Variants in MSH3 observed in about 807,000 individuals in gnomAD.
MSH3 encodes mutS homolog 3.
In MSH3, 106 loss-of-function variants were observed where a neutral mutation model predicts 123.3. That is an observed-to-expected ratio of 0.86 (90% CI 0.73 to 1.01). The LOEUF (loss-of-function observed/expected upper bound fraction) is 1.01, where lower values mean the gene tolerates loss of function less well. MSH3 is among the 50% of genes least tolerant of loss of function. The pLI is 0.00. For missense variants in MSH3, 1,459 were observed against 1,347.6 expected (o/e 1.08, Z -1.29); for synonymous variants, 515 against 481.4 (o/e 1.07, Z -0.91).
intron 19 of MSH3, among the ~76,000 whole-genome samples, chr5:80,803,126 G>C (rs1744821963): frequency 6.6e-6 from 1 of 152,032 alleles, no homozygotes; most frequent in South Asian, 2.1e-4. Flanking sequence ...TCATGTGTTA[G>C]TTCTATTTTT....
chr5:80,699,652 T>A (rs1750565043), intron 8 of MSH3, among the ~76,000 whole-genome samples: 1 of 152,104 alleles, frequency 6.6e-6, no homozygotes, highest in African/African-American at 2.4e-5. Context: ...ATTATATAGA[T>A]TTACATTATA....
chr5:80,656,274 A>G (rs1055707324), intron 1 of MSH3, 137 bp from the exon 2 acceptor site: 6 of 1,152,636 alleles, frequency 5.2e-6, no homozygotes, highest in Admixed American at 1.8e-5. Context: ...GGTTTTCCAG[A>G]GCTAAAAGTA....
At position 80,813,452 on chromosome 5, in the gene MSH3, A is replaced by G. The variant is rs139141467; in HGVS notation, c.2656-132A>G. Reference sequence around the variant, plus strand: ...ACACAGTTCAGGTTGAAGACAGAGGACCGCTTTCCTTTTGTGATATTTATG... The same window carrying G: ...ACACAGTTCAGGTTGAAGACAGAGGGCCGCTTTCCTTTTGTGATATTTATG... On this transcript the variant is annotated intron_variant, in intron 19 of 23. Transcript: ENST00000265081. 1.5e-4 allele frequency: 129 copies of G among 882,998 alleles called. No individual in the cohort carries two copies. In the African/African-American group the frequency reaches 1.8e-3, roughly 13 times the overall value. The allele number at this position is 882,998 out of a possible 1,614,324, so 54.7% of individuals were successfully genotyped here.
intron 8 of MSH3, among the ~76,000 whole-genome samples, chr5:80,702,455 G>A (rs982158599): frequency 2.6e-5 from 4 of 152,166 alleles, no homozygotes; most frequent in Non-Finnish European, 5.9e-5. Context: ...TACCTGGTGG[G>A]AGCCACTGGG....
chr5:80,876,583 C>A lies in MSH3; in HGVS notation c.*721C>A. 6.6e-6 allele frequency: 1 copy of A among 150,812 alleles called. No individual in the cohort carries two copies. The highest frequency in any genetic ancestry group is 1.5e-5 in the Non-Finnish European group (1 of 67,982). The allele number at this position is 150,812 out of a possible 1,614,324, so 9.3% of individuals were successfully genotyped here. ...GGCGGAGGTTGCAATGAGCCGAGAT[C>A]ACGTCACTGCACTCCAGCTTGGGCA... is the stretch of plus-strand genomic sequence containing the variant. On this transcript the variant is annotated 3_prime_UTR_variant, in exon 24 of 24. Coordinates refer to ENST00000265081, the MANE Select transcript of MSH3 (RefSeq NM_002439.5).
chr5:80,803,049 C>G (rs1383255257), intron 19 of MSH3, among the ~76,000 whole-genome samples: 1 of 148,932 alleles, frequency 6.7e-6, no homozygotes, highest in Non-Finnish European at 1.5e-5. Flanking sequence ...GTGCAGCTGT[C>G]TCTTCAATAT....
rs945430450 is a variant in MSH3, at chr5:80,768,009, C to G, written c.1973C>G (p.Ala658Gly). 1 of 1,613,538 alleles carries G rather than the reference C, an allele frequency of 6.2e-7. No homozygotes were observed. Among genetic ancestry groups the G allele is most frequent in the Non-Finnish European group, 8.5e-7 (1 of 1,179,570 alleles). Reference protein sequence around the residue: ...LKSEFQAIIPAVNSHIQSDLL... With the variant: ...LKSEFQAIIPGVNSHIQSDLL... ...TCAGAATTTCAAGCAATAATACCTG[C>G]TGTTAATTCCCACATTCAGTCAGAC... is the stretch of plus-strand genomic sequence containing the variant. The change falls in exon 14 of 24, where the codon GCT becomes GGT. Residue 658 changes from alanine (A) to glycine (G), a missense_variant. Transcript: ENST00000265081.
intron 11 of MSH3, among the ~76,000 whole-genome samples, chr5:80,742,532 G>A (rs1743635765): frequency 6.6e-6 from 1 of 152,190 alleles, no homozygotes; most frequent in African/African-American, 2.4e-5. Flanking sequence ...AGTCAAAGGA[G>A]TTAAAACTCT....
chr5:80,697,316 A>C (rs946715811), intron 8 of MSH3, among the ~76,000 whole-genome samples: 1 of 152,260 alleles, frequency 6.6e-6, no homozygotes, highest in African/African-American at 2.4e-5. Flanking sequence ...AGGTGTTGGC[A>C]GCTGGAGCCA....
At chr5:80,799,532 T>TA (rs1744756178) in intron 19 of MSH3, among the ~76,000 whole-genome samples, 3 of 112,214 alleles carry the variant, frequency 2.7e-5, no homozygotes, top group East Asian at 3.6e-4. Context: ...TTTTTTTTTT[T>TA]ACAGAAAATT....
chr5:80,679,067 G>T lies in MSH3; in HGVS notation c.1314G>T (p.Ala438=), dbSNP rs574337805. 2 of 1,613,866 alleles carry T rather than the reference G, an allele frequency of 1.2e-6. No individual in the cohort carries two copies. Among genetic ancestry groups the T allele is most frequent in the South Asian group, 1.1e-5 (1 of 91,084 alleles). The change falls in exon 8 of 24, where the codon GCG becomes GCT. Residue 438 remains alanine (A), a synonymous_variant. Coordinates refer to ENST00000265081, the MANE Select transcript of MSH3 (RefSeq NM_002439.5). Reference sequence around the variant, plus strand: ...CGGCCTTGTCCGAGCAAACAGAGGCGCTCATCCACAGAGCCACATCTGTTA... The same window carrying T: ...CGGCCTTGTCCGAGCAAACAGAGGCTCTCATCCACAGAGCCACATCTGTTA... ...LPSALSEQTE[A]LIHRATSVSV...
chr5:80,849,390 G>T (rs935812257), intron 20 of MSH3, among the ~76,000 whole-genome samples: 1 of 152,224 alleles, frequency 6.6e-6, no homozygotes, highest in Admixed American at 6.5e-5. Flanking sequence ...TAGGGACTCT[G>T]TGTGGGGGCT....
chr5:80,683,371 A>T (rs1296589919), intron 8 of MSH3, among the ~76,000 whole-genome samples: 1 of 151,946 alleles, frequency 6.6e-6, no homozygotes, highest in East Asian at 1.9e-4. Flanking sequence ...ACCAGCATTT[A>T]TTATTGCATG....
intron 2 of MSH3, 116 bp downstream of exon 2, chr5:80,656,647 C>G: frequency 7.0e-7 from 1 of 1,435,928 alleles, no homozygotes; most frequent in Non-Finnish European, 9.6e-7. Context: ...AGAAAGGTCC[C>G]TTTTGTTCCT....
intron 8 of MSH3, among the ~76,000 whole-genome samples, chr5:80,691,258 A>G (rs529091120): frequency 6.6e-6 from 1 of 152,142 alleles, no homozygotes; most frequent in East Asian, 1.9e-4. Flanking sequence ...ATTAAATATA[A>G]GATCAGTTTA....
intron 17 of MSH3, among the ~76,000 whole-genome samples, chr5:80,782,654 A>C (rs558887781): frequency 6.6e-6 from 1 of 152,212 alleles, no homozygotes; most frequent in Admixed American, 6.5e-5. Context: ...AAAGTGTATT[A>C]AAGTTTTTAT....
intron 9 of MSH3, among the ~76,000 whole-genome samples, chr5:80,728,211 TCCTCTGG>T (rs1179613637): frequency 6.6e-6 from 1 of 152,164 alleles, no homozygotes; most frequent in East Asian, 1.9e-4. Context: ...TAAAAAGAAT[TCCTCTGG>T]CTGCTCTGTT....
intron 19 of MSH3, among the ~76,000 whole-genome samples, chr5:80,807,094 T>C (rs1302582425): frequency 2.0e-5 from 3 of 147,070 alleles, no homozygotes; most frequent in Non-Finnish European, 4.5e-5. Flanking sequence ...CTGGAGACTG[T>C]GGCAGGAAGA....
intron 12 of MSH3, among the ~76,000 whole-genome samples, chr5:80,749,767 T>C (rs1229437152): frequency 6.6e-6 from 1 of 152,136 alleles, no homozygotes; most frequent in Non-Finnish European, 1.5e-5. Context: ...ACACATACAA[T>C]GCATTAACTA....
Sources: allele counts gnomAD v4.1 joint callset (sites outside exome capture counted in the v4.1 genomes callset), GRCh38; gene constraint gnomAD v4.1.1; transcripts MANE v1.5; gene names NCBI Gene and HGNC (gene_info 2026-07-23, HGNC 2026-07-21).